CCDC102B: variants seen among roughly 807,000 people sequenced by gnomAD.
CCDC102B encodes coiled-coil domain containing 102B, also known as coiled-coil domain-containing protein 102B.
In CCDC102B, 75 loss-of-function variants were observed where a neutral mutation model predicts 57.4. The observed-to-expected ratio is 1.31, with a 90% CI of 1.08 to 1.58. The LOEUF is 1.58. Among genes scored for constraint, CCDC102B ranks in the 40% most tolerant of loss-of-function variants. CCDC102B has a pLI of 0.00. For synonymous variants in CCDC102B, 206 were observed against 201.9 expected (o/e 1.02, Z -0.17); for missense variants, 636 against 582.6 (o/e 1.09, Z -0.94).
At chr18:68,896,769 G>T (rs1247192421) in intron 5 of CCDC102B, among the ~76,000 whole-genome samples, 1 of 151,830 alleles carries the variant, frequency 6.6e-6, no homozygotes, top group African/African-American at 2.4e-5. Flanking sequence ...TAGATAGAGA[G>T]ATAGAGAGAT....
chr18:69,032,295 C>G (rs143859901), intron 7 of CCDC102B, among the ~76,000 whole-genome samples: 12 of 152,240 alleles, frequency 7.9e-5, no homozygotes, highest in Non-Finnish European at 1.3e-4. Context: ...TATTAGTGCT[C>G]TCTGCTATTT....
intron 7 of CCDC102B, among the ~76,000 whole-genome samples, chr18:69,032,198 GC>G (rs1366711913): frequency 6.6e-6 from 1 of 152,088 alleles, no homozygotes; most frequent in Non-Finnish European, 1.5e-5. Context: ...CTCTTAACAA[GC>G]TTCCTTCTGA....
At chr18:69,042,473 C>T (rs1440008880) in intron 7 of CCDC102B, among the ~76,000 whole-genome samples, 1 of 152,120 alleles carries the variant, frequency 6.6e-6, no homozygotes, top group Non-Finnish European at 1.5e-5. Context: ...ACCACCATGT[C>T]TCACTGGACC....
chr18:68,819,874 CTAAA>C (rs1439649988), intron 1 of CCDC102B, among the ~76,000 whole-genome samples: 1 of 151,914 alleles, frequency 6.6e-6, no homozygotes, highest in African/African-American at 2.4e-5. Flanking sequence ...TATTTGATGT[CTAAA>C]TATTGGTTTC....
chr18:68,812,468 C>T (rs112213853), intron 1 of CCDC102B, among the ~76,000 whole-genome samples: 54 of 152,176 alleles, frequency 3.5e-4, no homozygotes, highest in Non-Finnish European at 5.3e-4. Flanking sequence ...TAGAAAACAA[C>T]TTTCATGTCG....
chr18:69,011,602 G>A (rs936247196), intron 7 of CCDC102B, among the ~76,000 whole-genome samples: 3 of 151,678 alleles, frequency 2.0e-5, no homozygotes, highest in Admixed American at 6.6e-5. Context: ...TAGATATCTC[G>A]GTGTAATATC....
intron 2 of CCDC102B, among the ~76,000 whole-genome samples, chr18:68,791,624 A>ATGTG (rs769792111): frequency 3.6e-5 from 3 of 84,240 alleles, no homozygotes; most frequent in Non-Finnish European, 8.5e-5. Context: ...GAGTGTGTGT[A>ATGTG]TGTGTGTGTG....
chr18:68,846,331 A>C lies in CCDC102B; in HGVS notation c.846A>C (p.Glu282Asp). The change falls in exon 4 of 8, where the codon GAA becomes GAC. Residue 282 changes from glutamate to aspartate, a missense_variant. By Grantham distance (45) the Glu-to-Asp change is conservative. Transcript: ENST00000360242. Reference protein sequence around the residue: ...WKEREMRTALEKEIERLESAL... With the variant: ...WKEREMRTALDKEIERLESAL... ...TATTTAGAATGCGCACAGCTTTGGA[A>C]AAAGAAATAGAGAGACTGGAGTCGG... 6.4e-7 allele frequency: 1 copy of C among 1,563,362 alleles called. No individual in the cohort carries two copies. Among genetic ancestry groups the C allele is most frequent in the East Asian group, 2.4e-5 (1 of 41,516 alleles).
chr18:68,770,036 T>C (rs2034589138), intron 2 of CCDC102B, among the ~76,000 whole-genome samples: 1 of 152,166 alleles, frequency 6.6e-6, no homozygotes, highest in African/African-American at 2.4e-5. Flanking sequence ...AGATGATAGC[T>C]TGGACTAGGT....
At chr18:69,033,892 C>T (rs2052214852) in intron 7 of CCDC102B, among the ~76,000 whole-genome samples, 1 of 151,974 alleles carries the variant, frequency 6.6e-6, no homozygotes, top group Admixed American at 6.6e-5. Context: ...GGCCATCCTC[C>T]TTTGGTGTGA....
intron 2 of CCDC102B, among the ~76,000 whole-genome samples, chr18:68,722,442 A>G (rs955300580): frequency 2.0e-5 from 3 of 152,162 alleles, no homozygotes; most frequent in African/African-American, 7.2e-5. Flanking sequence ...AAGACACCCC[A>G]CCACCATGAA....
intron 6 of CCDC102B, among the ~76,000 whole-genome samples, chr18:68,985,165 C>G (rs2050690954): frequency 6.6e-6 from 1 of 152,064 alleles, no homozygotes; most frequent in Non-Finnish European, 1.5e-5. Context: ...TTTGTTATTC[C>G]ATGGAAGCAT....
At chr18:68,925,285 A>G (rs1394241035) in intron 6 of CCDC102B, among the ~76,000 whole-genome samples, 1 of 151,706 alleles carries the variant, frequency 6.6e-6, no homozygotes, top group Non-Finnish European at 1.5e-5. Flanking sequence ...GTCAGATACC[A>G]CTCCCCAGAG....
intron 6 of CCDC102B, among the ~76,000 whole-genome samples, chr18:68,898,812 G>A (rs1021371609): frequency 5.9e-5 from 9 of 152,084 alleles, no homozygotes; most frequent in Non-Finnish European, 1.2e-4. Flanking sequence ...TAAAGTGGAA[G>A]GGGACACAGA....
rs1232452326 is a variant in CCDC102B at position 68,758,328 on chromosome 18, A to C, written c.-67+41734A>C. Among the ~76,000 whole-genome samples the C allele has an allele frequency of 2.0e-5, 3 of 151,922 alleles. No individual in the cohort carries two copies. In the East Asian group the frequency reaches 5.8e-4, roughly 29 times the overall value. On this transcript the variant is annotated intron_variant, in intron 2 of 3. Transcript: ENST00000578970. The stretch of plus-strand genomic sequence containing the variant: ...AAATAATTTGGTTTGGTGTCTATAC[A>C]CATTATTTTAACAAATCAAATATGA...
chr18:68,909,604 G>A (rs2040767839), intron 6 of CCDC102B, among the ~76,000 whole-genome samples: 2 of 152,172 alleles, frequency 1.3e-5, no homozygotes, highest in Admixed American at 1.3e-4. Flanking sequence ...GACCAGGGAT[G>A]AAAAAACTCT....
chr18:68,884,232 A>T (rs1263333289), intron 5 of CCDC102B, among the ~76,000 whole-genome samples: 1 of 152,176 alleles, frequency 6.6e-6, no homozygotes, highest in Non-Finnish European at 1.5e-5. Context: ...TTGCACCATT[A>T]TTCACAATAG....
intron 1 of CCDC102B, among the ~76,000 whole-genome samples, chr18:68,819,320 A>G (rs1259146450): frequency 6.6e-6 from 1 of 151,992 alleles, no homozygotes; most frequent in Admixed American, 6.6e-5. Flanking sequence ...GACATGATTG[A>G]CCTAGTTCCT....
At chr18:68,990,316 G>A (rs1486883835) in intron 6 of CCDC102B, among the ~76,000 whole-genome samples, 3 of 152,126 alleles carry the variant, frequency 2.0e-5, no homozygotes, top group African/African-American at 7.2e-5. Flanking sequence ...ATTTCCTTGT[G>A]AATCTTCCCA....
Sources: allele counts gnomAD v4.1 joint callset (sites outside exome capture counted in the v4.1 genomes callset), GRCh38; gene constraint gnomAD v4.1.1; transcripts MANE v1.5; gene names NCBI Gene and HGNC (gene_info 2026-07-23, HGNC 2026-07-21).